FANCI: variants seen among roughly 807,000 people sequenced by gnomAD.
The protein encoded by FANCI is FA complementation group I.
FANCI carries 156 observed loss-of-function variants against 176.1 expected under a neutral mutation model. That is an observed-to-expected ratio of 0.89 (90% CI 0.78 to 1.01). The LOEUF (loss-of-function observed/expected upper bound fraction) is 1.01. Among genes scored for constraint, FANCI ranks in the 50% least tolerant of loss-of-function variants. FANCI has a pLI of 0.00. For missense variants in FANCI, 1,678 were observed against 1,534.1 expected, an observed-to-expected ratio of 1.09 and a Z score of -1.57; for synonymous variants, 613 against 541.7, an observed-to-expected ratio of 1.13 and a Z score of -1.83.
chr15:89,268,457 A>G lies in FANCI; in HGVS notation c.814A>G (p.Ile272Val), dbSNP rs751929039. 13 of 1,614,164 alleles carry G rather than the reference A, an allele frequency of 8.1e-6. No homozygotes were observed. The highest frequency in any genetic ancestry group is 1.1e-5 in the Non-Finnish European group (13 of 1,180,010). ...ACTTCGTCATGTGGAAGGCACCATTATTCTACACATTGTGTTTGCCATCAA... is the reference window on the plus strand; with the variant it reads ...ACTTCGTCATGTGGAAGGCACCATTGTTCTACACATTGTGTTTGCCATCAA... ...GELRHVEGTI[I>V]LHIVFAIKLD... The change falls in exon 10 of 38, where the codon ATT (isoleucine) becomes GTT (valine). Residue 272 changes from isoleucine (I) to valine (V), a missense_variant. By Grantham distance (29) the Ile-to-Val change is conservative. Coordinates refer to ENST00000310775, the MANE Select transcript of FANCI (RefSeq NM_001113378.2).
intron 18 of FANCI, among the ~76,000 whole-genome samples, chr15:89,288,366 T>C (rs933686930): frequency 6.6e-6 from 1 of 152,144 alleles, no homozygotes; most frequent in Non-Finnish European, 1.5e-5. Flanking sequence ...TATTTAGCTC[T>C]AAAGTAAAAA....
chr15:89,264,007 T>A lies in FANCI; in HGVS notation c.650T>A (p.Leu217His), dbSNP rs1372440962. 1 of 1,613,984 alleles carries A rather than the reference T, an allele frequency of 6.2e-7. No individual in the cohort carries two copies. The highest frequency in any genetic ancestry group is 8.5e-7 in the Non-Finnish European group (1 of 1,179,960). ...LQEIPPLVYQ[L>H]LVLSSKGSRK... ...GAAATACCACCTTTGGTCTATCAGCTTCTGGTTCTCTCCTCCAAGGTACAA... is the reference window on the plus strand; with the variant it reads ...GAAATACCACCTTTGGTCTATCAGCATCTGGTTCTCTCCTCCAAGGTACAA... Residue 217 changes from leucine (L) to histidine (H), a missense_variant, in exon 8 of 38, where the codon CTT (leucine) becomes CAT (histidine). Leu to His is a moderately conservative substitution (Grantham distance 99, BLOSUM62 -3). Coordinates refer to ENST00000310775, the MANE Select transcript of FANCI (RefSeq NM_001113378.2).
Position 89,308,250 on chromosome 15 carries a change from G to A in FANCI, c.3651+578G>A, listed in dbSNP as rs760531671. 1,010 of 865,962 alleles carry A rather than the reference G, an allele frequency of 1.2e-3. 3 individuals carry two copies. Among genetic ancestry groups the A allele is most frequent in the Non-Finnish European group, 1.2e-3 (873 of 720,926 alleles). The allele number at this position is 865,962 out of a possible 1,614,324, so 53.6% of individuals were successfully genotyped here. A position where few individuals can be genotyped will look rare whatever the true frequency, so the allele number is the denominator to read the frequency against. On this transcript the variant is annotated intron_variant, in intron 34 of 37. Coordinates refer to ENST00000310775, the MANE Select transcript of FANCI (RefSeq NM_001113378.2). ...TGTTCTGTGCATTTTGGGATGTTGA[G>A]TAGCATCCCTGGCCTCCACCTACCA...
Position 89,273,582 on chromosome 15 carries a change from C to T in FANCI, c.975+113C>T. 1.4e-5 allele frequency: 10 copies of T among 700,372 alleles called. 1 individual carries two copies. In the South Asian group the frequency reaches 1.6e-4, roughly 11 times the overall value. 43.4% of individuals were successfully genotyped at this position (700,372 alleles called of 1,614,324 possible). ...GTATCCGTTCCTAAACAATTTTATC[C>T]CCTTCCTGCCAGCAGCAAAGCTGCA... On this transcript the variant is annotated intron_variant, in intron 11 of 37. Transcript: ENST00000310775.
intron 16 of FANCI, 129 bp downstream of exon 16, chr15:89,281,964 T>C (rs1391277673): frequency 1.1e-6 from 1 of 869,800 alleles, no homozygotes; most frequent in Non-Finnish European, 1.9e-6. Context: ...CAGAGCAATT[T>C]CATCAAATAA....
chr15:89,294,786 C>G, intron 23 of FANCI, 129 bp from the exon 24 acceptor site: 1 of 882,750 alleles, frequency 1.1e-6, no homozygotes. Flanking sequence ...GAGAGTCTGC[C>G]AGTCGGAACT....
At chr15:89,312,813 TCTTA>T (rs2055020507) in intron 34 of FANCI, 87 bp from the exon 35 acceptor site, 5 of 918,794 alleles carry the variant, frequency 5.4e-6, no homozygotes, top group Non-Finnish European at 8.0e-6. Flanking sequence ...CAAAGCTCTG[TCTTA>T]AAAAAAAAAA....
At chr15:89,315,168 G>GC in intron 36 of FANCI, 114 bp from the exon 37 acceptor site, 1 of 800,142 alleles carries the variant, frequency 1.2e-6, no homozygotes, top group South Asian at 1.4e-5. Flanking sequence ...GTGGGTGCGT[G>GC]CTTGCTTTAG....
At position 89,314,849 on chromosome 15, in the gene FANCI, C is replaced by CCTT. The variant is rs1567180887; in HGVS notation, c.3816+142_3816+143insCTT. The CCTT allele has an allele frequency of 1.5e-5, 6 of 397,908 alleles. No homozygotes were observed. The African/African-American group carries it at 1.6e-4, about 10-fold the overall frequency. 24.6% of individuals were successfully genotyped at this position (397,908 alleles called of 1,614,324 possible). A position where few individuals can be genotyped will look rare whatever the true frequency, so the allele number is the denominator to read the frequency against. On this transcript the variant is annotated intron_variant, in intron 36 of 37. Coordinates refer to ENST00000310775, the MANE Select transcript of FANCI (RefSeq NM_001113378.2). ...CCATCCCCCCTCTCCCCCCCCCCCC[C>CCTT]TTTTTTTTTTTGAGACTGTGTCTCA...
chr15:89,258,636 A>T, intron 2 of FANCI, 68 bp from the exon 3 acceptor site: 5 of 1,151,058 alleles, frequency 4.3e-6, no homozygotes, highest in Admixed American at 1.7e-5. Flanking sequence ...ACTTTTTCAT[A>T]TTGAGTGTTT....
intron 18 of FANCI, among the ~76,000 whole-genome samples, chr15:89,287,632 C>T (rs964998355): frequency 2.2e-4 from 34 of 152,136 alleles, no homozygotes; most frequent in African/African-American, 8.2e-4. Flanking sequence ...TGTAACATGC[C>T]TTACTAAACT....
intron 24 of FANCI, among the ~76,000 whole-genome samples, chr15:89,296,315 C>T (rs1376886759): frequency 1.3e-5 from 2 of 150,276 alleles, no homozygotes; most frequent in Non-Finnish European, 3.0e-5. Flanking sequence ...ACCATATTGC[C>T]CAGGCTGGTC....
At chr15:89,261,015 C>T (rs2052689787) in intron 4 of FANCI, among the ~76,000 whole-genome samples, 172 bp downstream of exon 4, 1 of 152,118 alleles carries the variant, frequency 6.6e-6, no homozygotes, top group Non-Finnish European at 1.5e-5. Context: ...CCTGTAATCC[C>T]AGCACTTTGG....
rs767656609 is a variant in FANCI at position 89,315,254 on chromosome 15, A to G, written c.3817-28A>G. On this transcript the variant is annotated intron_variant, in intron 36 of 37. Coordinates refer to ENST00000310775, the MANE Select transcript of FANCI (RefSeq NM_001113378.2). ...TCTGGCAGGACCTATGAGTAGGGAG[A>G]TGTCCCATGCTTACAATCTTGTCAT... The G allele has an allele frequency of 7.2e-6, 11 of 1,526,972 alleles. No individual in the cohort carries two copies. The Middle Eastern group carries it at 6.8e-4, about 94-fold the overall frequency. 94.6% of individuals were successfully genotyped at this position (1,526,972 alleles called of 1,614,324 possible).
chr15:89,296,647 C>T (rs969712839), intron 24 of FANCI, among the ~76,000 whole-genome samples: 157 of 152,138 alleles, frequency 1.0e-3, no homozygotes, highest in African/African-American at 3.6e-3. Flanking sequence ...CCCCACCTTT[C>T]CCCCCTTTCT....
rs1309949902 is a variant in FANCI, at chr15:89,295,081, T to C, written c.2623T>C (p.Cys875Arg). ...CCCAGAAAAGATCTTTCAGAACCTC[T>C]GTGACATAACTCGGTAAGCCACTCC... ...QNPEKIFQNL[C>R]DITRVLLWRY... is the part of the protein sequence containing the mutation. The change falls in exon 24 of 38, where the codon TGT becomes CGT. Residue 875 changes from cysteine (C) to arginine (R), a missense_variant. Transcript: ENST00000310775. The C allele has an allele frequency of 4.5e-6, 7 of 1,551,774 alleles. No individual in the cohort carries two copies. Among genetic ancestry groups the C allele is most frequent in the Non-Finnish European group, 6.1e-6 (7 of 1,147,002 alleles).
intron 2 of FANCI, among the ~76,000 whole-genome samples, chr15:89,251,863 C>G (rs939330731): frequency 4.6e-5 from 7 of 152,164 alleles, no homozygotes; most frequent in African/African-American, 1.7e-4. Context: ...ATTCTAGAGT[C>G]AGCATCTTAG....
intron 27 of FANCI, 66 bp downstream of exon 27, chr15:89,301,508 A>T (rs2054523564): frequency 9.4e-7 from 1 of 1,063,418 alleles, no homozygotes. Context: ...TGCATCATAA[A>T]AGTGTATATC....
In FANCI at chr15:89,317,093, CAAGA is replaced by C. The variant is rs1280923251; in HGVS notation, c.*636_*639del. Reference sequence around the variant, plus strand: ...TTGTTTTTCTGTCACCTATAGAGTGCAAGAATGCACTCTATAGAATAAATTATCT... The same window carrying C: ...TTGTTTTTCTGTCACCTATAGAGTGCATGCACTCTATAGAATAAATTATCT... On this transcript the variant is annotated 3_prime_UTR_variant, in exon 38 of 38. Coordinates refer to ENST00000310775, the MANE Select transcript of FANCI (RefSeq NM_001113378.2). 5 of 590,094 alleles carry C rather than the reference CAAGA, an allele frequency of 8.5e-6. No homozygotes were observed. The highest frequency in any genetic ancestry group is 2.9e-5 in the East Asian group (1 of 34,912). 36.6% of individuals were successfully genotyped at this position (590,094 alleles called of 1,614,324 possible).
Sources: gnomAD v4.1 joint callset for allele counts (sites outside exome capture counted in the v4.1 genomes callset) on GRCh38, gnomAD v4.1.1 for gene constraint, MANE v1.5 for transcripts, NCBI Gene and HGNC (gene_info 2026-07-23, HGNC 2026-07-21) for gene names.